Variants in SNTG1 observed in about 807,000 individuals in gnomAD.
SNTG1 encodes syntrophin gamma 1.
In SNTG1, 39 loss-of-function variants were observed where a neutral mutation model predicts 74.7. The observed-to-expected ratio is 0.52, with a 90% CI of 0.40 to 0.68. The LOEUF (loss-of-function observed/expected upper bound fraction) is 0.68. SNTG1 is among the 30% of genes least tolerant of loss of function. The pLI, the probability that SNTG1 is intolerant of heterozygous loss-of-function variation, is 0.00. For synonymous variants in SNTG1, 254 were observed against 217.1 expected (o/e 1.17, Z -1.49); for missense variants, 685 against 609.5 (o/e 1.12, Z -1.30).
chr8:50,225,291 C>T (rs1328729178), intron 2 of SNTG1, among the ~76,000 whole-genome samples: 2 of 152,178 alleles, frequency 1.3e-5, no homozygotes, highest in African/African-American at 4.8e-5. Flanking sequence ...CTGAAGCAGG[C>T]TACCTGGAGG....
chr8:49,942,749 G>T (rs1452733844), intron 1 of SNTG1, among the ~76,000 whole-genome samples: 3 of 152,142 alleles, frequency 2.0e-5, no homozygotes, highest in Admixed American at 6.5e-5. Flanking sequence ...GTGATTTGAG[G>T]TGGAAGACCA....
intron 1 of SNTG1, among the ~76,000 whole-genome samples, chr8:50,005,141 T>C (rs1253618445): frequency 6.6e-6 from 1 of 152,180 alleles, no homozygotes; most frequent in Non-Finnish European, 1.5e-5. Context: ...AATCTATTTC[T>C]TGATACTGTA....
chr8:50,174,585 A>G (rs1205855895), intron 2 of SNTG1, among the ~76,000 whole-genome samples: 2 of 152,234 alleles, frequency 1.3e-5, no homozygotes. Flanking sequence ...TATAAATGCC[A>G]TTATATACCC....
chr8:50,071,141 C>A (rs1821327051), intron 1 of SNTG1, among the ~76,000 whole-genome samples: 1 of 152,110 alleles, frequency 6.6e-6, no homozygotes, highest in Non-Finnish European at 1.5e-5. Context: ...ATCCCAACTC[C>A]TAAGGGAAGA....
chr8:50,242,592 C>T (rs926842540), intron 2 of SNTG1, among the ~76,000 whole-genome samples: 3 of 149,962 alleles, frequency 2.0e-5, no homozygotes, highest in African/African-American at 7.3e-5. Context: ...TTTATGGAAG[C>T]TTGTATATTG....
intron 18 of SNTG1, among the ~76,000 whole-genome samples, chr8:50,757,769 G>A (rs1349692945): frequency 1.3e-5 from 2 of 151,796 alleles, no homozygotes; most frequent in Non-Finnish European, 2.9e-5. Context: ...AGTCTTCCAT[G>A]TTTTACAGCT....
At chr8:50,214,457 A>G (rs533514861) in intron 2 of SNTG1, among the ~76,000 whole-genome samples, 104 of 152,204 alleles carry the variant, frequency 6.8e-4, no homozygotes, top group South Asian at 1.5e-3. Context: ...TCAAAATTTT[A>G]TATTCTCTTT....
intron 4 of SNTG1, among the ~76,000 whole-genome samples, chr8:50,437,274 A>G (rs2093314195): frequency 6.6e-6 from 1 of 152,172 alleles, no homozygotes; most frequent in Non-Finnish European, 1.5e-5. Context: ...AAAAAGTCTT[A>G]TTTTCAAAAT....
chr8:50,163,530 G>T (rs1163656861), intron 1 of SNTG1: 1 of 146,686 alleles, frequency 6.8e-6, no homozygotes, highest in Admixed American at 6.9e-5. Context: ...AGGTGGGAGT[G>T]CAGTGGCGAG....
chr8:50,592,986 G>C (rs1217766349), intron 13 of SNTG1, among the ~76,000 whole-genome samples: 1 of 152,134 alleles, frequency 6.6e-6, no homozygotes, highest in Non-Finnish European at 1.5e-5. Context: ...TAATTGACTA[G>C]AGTACATTTC....
At chr8:50,642,874 T>C (rs1274944450) in intron 13 of SNTG1, among the ~76,000 whole-genome samples, 5 of 152,276 alleles carry the variant, frequency 3.3e-5, no homozygotes, top group Non-Finnish European at 5.9e-5. Flanking sequence ...TTTTCACAGG[T>C]ATTTCCATCT....
At chr8:50,000,122 C>T (rs901613371) in intron 1 of SNTG1, among the ~76,000 whole-genome samples, 8 of 152,058 alleles carry the variant, frequency 5.3e-5, no homozygotes, top group South Asian at 2.1e-4. Context: ...TGACTGGCAC[C>T]GTGCCACACT....
At chr8:50,353,740 G>T (rs2091737788) in intron 2 of SNTG1, among the ~76,000 whole-genome samples, 1 of 152,138 alleles carries the variant, frequency 6.6e-6, no homozygotes, top group Admixed American at 6.5e-5. Flanking sequence ...TTCATACAAG[G>T]TCAAGTTCAA....
At chr8:49,977,128 G>A (rs920749216) in intron 1 of SNTG1, among the ~76,000 whole-genome samples, 13 of 152,156 alleles carry the variant, frequency 8.5e-5, no homozygotes, top group Admixed American at 2.0e-4. Context: ...GGGAAGTGGA[G>A]AGCTTAGAGA....
intron 1 of SNTG1, among the ~76,000 whole-genome samples, chr8:50,116,024 C>T (rs945351785): frequency 2.0e-4 from 30 of 152,026 alleles, no homozygotes; most frequent in African/African-American, 3.6e-4. Context: ...GCACCATGAG[C>T]GTAACTTGAG....
chr8:50,662,568 A>G (rs1563711533), intron 15 of SNTG1, among the ~76,000 whole-genome samples: 1 of 152,202 alleles, frequency 6.6e-6, no homozygotes, highest in Non-Finnish European at 1.5e-5. Context: ...AGAGCTAAAG[A>G]TATGAATCTT....
chr8:49,920,107 A>T (rs1806398532), intron 1 of SNTG1, among the ~76,000 whole-genome samples: 1 of 152,026 alleles, frequency 6.6e-6, no homozygotes, highest in African/African-American at 2.4e-5. Context: ...TATCTACCTA[A>T]GTCATTTGCT....
At chr8:50,775,326 G>T (rs947773985) in intron 18 of SNTG1, among the ~76,000 whole-genome samples, 7 of 151,484 alleles carry the variant, frequency 4.6e-5, no homozygotes, top group Non-Finnish European at 1.0e-4. Context: ...CCTGCATCCT[G>T]ATCCTGTTCT....
intron 1 of SNTG1, among the ~76,000 whole-genome samples, chr8:50,045,809 G>A (rs889253757): frequency 1.7e-4 from 26 of 152,170 alleles, no homozygotes; most frequent in African/African-American, 5.8e-4. Flanking sequence ...CAAAGATGTA[G>A]TGTATTCAGC....
Sources: gnomAD v4.1 joint callset for allele counts (sites outside exome capture counted in the v4.1 genomes callset) on GRCh38, gnomAD v4.1.1 for gene constraint, MANE v1.5 for transcripts, NCBI Gene and HGNC (gene_info 2026-07-23, HGNC 2026-07-21) for gene names.